HMCN1: variants seen among roughly 807,000 people sequenced by gnomAD.
HMCN1 encodes the protein hemicentin-1.
HMCN1 carries 321 observed loss-of-function variants against 625.9 expected under a neutral mutation model. The observed-to-expected ratio is 0.51, with a 90% confidence interval of 0.47 to 0.56. HMCN1 has a LOEUF of 0.56. Ranked by LOEUF, HMCN1 falls within the 20% of genes least tolerant of loss-of-function variation. The pLI is 0.00. For missense variants in HMCN1, 6,588 were observed against 6,887.3 expected (o/e 0.96, Z 1.54); for synonymous variants, 2,425 against 2,417.6 (o/e 1.00, Z -0.09).
Position 186,088,110 on chromosome 1 carries a change from GTTTT to G in HMCN1, c.9446-31_9446-28del, listed in dbSNP as rs559753232. On this transcript the variant is annotated intron_variant, in intron 61 of 106. Coordinates refer to ENST00000271588, the MANE Select transcript of HMCN1 (RefSeq NM_031935.3). ...TAATGAGGACAAATGATTTTCTTCT[GTTTT>G]TTTGTTTGTTTGTTTGTTTGTTTTT... The G allele has an allele frequency of 3.0e-4, 483 of 1,602,826 alleles. 2 individuals are homozygous for G. In the African/African-American group the frequency reaches 5.7e-3, roughly 19 times the overall value.
Position 186,086,359 on chromosome 1 carries a change from A to G in HMCN1, c.8998A>G (p.Lys3000Glu). The G allele has an allele frequency of 1.5e-5, 24 of 1,613,418 alleles. No homozygotes were observed. Among genetic ancestry groups the G allele is most frequent in the Non-Finnish European group, 2.0e-5 (24 of 1,179,588 alleles). Residue 3000 changes from lysine (K) to glutamate (E), a missense_variant, in exon 58 of 107, where the codon AAG becomes GAG. By Grantham distance (56) the Lys-to-Glu change is moderately conservative (BLOSUM62 1). This residue lies in a region of HMCN1 where 4,628 missense variants were observed against 4,853.1 expected (regional missense o/e 0.95). Coordinates refer to ENST00000271588, the MANE Select transcript of HMCN1 (RefSeq NM_031935.3). ...GFPPPDLSWL[K>E]NEQPIKLNTN... ...TCCACCTCCTGACCTCAGCTGGCTC[A>G]AGAATGAACAGCCCATCAAACTGAA...
At chr1:185,989,126 G>T (rs1378064987) in intron 20 of HMCN1, among the ~76,000 whole-genome samples, 1 of 149,388 alleles carries the variant, frequency 6.7e-6, no homozygotes, top group Admixed American at 6.7e-5. Context: ...TCCTGCCTCA[G>T]CCTCCCGAGT....
chr1:185,963,703 A>G, intron 12 of HMCN1, 65 bp from the exon 13 acceptor site: 4 of 1,204,028 alleles, frequency 3.3e-6, no homozygotes, highest in South Asian at 2.4e-5. Flanking sequence ...GGAAAGCACT[A>G]TATTATCTTG....
At chr1:186,075,809 T>C (rs978991153) in intron 53 of HMCN1, among the ~76,000 whole-genome samples, 1 of 152,208 alleles carries the variant, frequency 6.6e-6, no homozygotes, top group African/African-American at 2.4e-5. Context: ...ATAAAACTTT[T>C]GTACATCTTT....
chr1:185,924,831 G>A (rs962565195), intron 8 of HMCN1, among the ~76,000 whole-genome samples: 2 of 151,934 alleles, frequency 1.3e-5, no homozygotes, highest in South Asian at 2.1e-4. Flanking sequence ...AATGAATACT[G>A]TAGTAAGGGG....
intron 30 of HMCN1, among the ~76,000 whole-genome samples, chr1:186,014,006 G>T (rs1654173066): frequency 6.6e-6 from 1 of 152,044 alleles, no homozygotes; most frequent in Non-Finnish European, 1.5e-5. Flanking sequence ...GCCTTCAAAG[G>T]AAAGGGGAAG....
At chr1:186,118,590 G>A (rs1053321793) in intron 77 of HMCN1, among the ~76,000 whole-genome samples, 3 of 152,050 alleles carry the variant, frequency 2.0e-5, no homozygotes, top group African/African-American at 7.2e-5. Context: ...GCCAAAAAGT[G>A]GAAACAATTC....
At chr1:186,077,101 G>T (rs891911850) in intron 54 of HMCN1, among the ~76,000 whole-genome samples, 4 of 151,992 alleles carry the variant, frequency 2.6e-5, no homozygotes, top group African/African-American at 9.7e-5. Flanking sequence ...TATTTTCAAG[G>T]CTTCTATTTA....
chr1:185,860,605 T>C (rs1313154055), intron 2 of HMCN1, among the ~76,000 whole-genome samples: 1 of 152,192 alleles, frequency 6.6e-6, no homozygotes, highest in Non-Finnish European at 1.5e-5. Flanking sequence ...CTACCATGCC[T>C]GGCTTAAAAT....
In HMCN1 at chr1:186,129,999, T is replaced by A; in HGVS notation, c.12938T>A (p.Leu4313His). 6.2e-7 allele frequency: 1 copy of A among 1,613,210 alleles called. No homozygotes were observed. ...HFDSVNGHSE[L>H]VIERVSKEDS... ...GACAGTGTGAATGGACACAGTGAAC[T>A]TGTTATTGAAAGAGTGTCAAAAGAG... is the stretch of plus-strand genomic sequence containing the variant. Residue 4313 changes from leucine (L) to histidine (H), a missense_variant, in exon 84 of 107, where the codon CTT becomes CAT. Physicochemically the swap from Leu to His is moderately conservative, Grantham distance 99. Coordinates refer to ENST00000271588, the MANE Select transcript of HMCN1 (RefSeq NM_031935.3).
In HMCN1 at chr1:186,151,367, G is replaced by T. The variant is rs748030595; in HGVS notation, c.14758+18G>T. The stretch of plus-strand genomic sequence containing the variant: ...TAGTCTTGGTAAGTCTTTGCCTCAA[G>T]CCTCTTTTTAAAAACTTATATATTA... On this transcript the variant is annotated intron_variant, in intron 94 of 106. Transcript: ENST00000271588. 1 of 1,609,782 alleles carries T rather than the reference G, an allele frequency of 6.2e-7. No individual in the cohort carries two copies. Among genetic ancestry groups the T allele is most frequent in the Non-Finnish European group, 8.5e-7 (1 of 1,176,940 alleles).
intron 36 of HMCN1, among the ~76,000 whole-genome samples, chr1:186,036,481 A>G (rs1318643115): frequency 2.6e-5 from 4 of 152,178 alleles, no homozygotes; most frequent in Admixed American, 6.5e-5. Context: ...AACAGTATGG[A>G]GGAAACCGCT....
Position 185,993,297 on chromosome 1 carries a change from T to G in HMCN1, c.3493T>G (p.Leu1165Val), listed in dbSNP as rs1378226174. Residue 1165 changes from leucine to valine, a missense_variant, in exon 23 of 107, where the codon TTA becomes GTA. Transcript: ENST00000271588. The stretch of plus-strand genomic sequence containing the variant: ...TGGGAATGTGACTCAGGCTGTCAAA[T>G]TAAATGTCCATGGTGAGTCTTGAAA... The part of the protein sequence containing the change: ...IAGNVTQAVK[L>V]NVHVPPKIQR... The G allele has an allele frequency of 6.2e-7, 1 of 1,612,932 alleles. No individual in the cohort carries two copies.
chr1:186,129,556 G>A (rs1163626030), intron 83 of HMCN1, among the ~76,000 whole-genome samples: 1 of 151,988 alleles, frequency 6.6e-6, no homozygotes, highest in East Asian at 1.9e-4. Context: ...AAGCTGAAAA[G>A]GTTTTCATGT....
At chr1:186,143,226 AT>A (rs1282413705) in intron 89 of HMCN1, among the ~76,000 whole-genome samples, 3 of 152,244 alleles carry the variant, frequency 2.0e-5, no homozygotes, top group African/African-American at 7.2e-5. Flanking sequence ...AAGCAGACAA[AT>A]GATAATTTCA....
intron 33 of HMCN1, among the ~76,000 whole-genome samples, chr1:186,017,388 T>G (rs938527833): frequency 6.6e-6 from 1 of 152,026 alleles, no homozygotes; most frequent in African/African-American, 2.4e-5. Flanking sequence ...CAGACTTTCC[T>G]GAGGTACTGA....
chr1:185,927,838 G>C (rs1318177376), intron 9 of HMCN1, among the ~76,000 whole-genome samples: 1 of 152,066 alleles, frequency 6.6e-6, no homozygotes, highest in Non-Finnish European at 1.5e-5. Context: ...TATTTTTGTA[G>C]ATCATCGAGC....
Position 186,151,599 on chromosome 1 carries a change from T to TC in HMCN1, c.14759-6dup, listed in dbSNP as rs1650668054. 1.2e-6 allele frequency: 2 copies of TC among 1,610,600 alleles called. No individual in the cohort carries two copies. Among genetic ancestry groups the TC allele is most frequent in the South Asian group, 2.2e-5 (2 of 90,738 alleles). On this transcript the variant is annotated splice_region_variant and splice_polypyrimidine_tract_variant and intron_variant, in intron 94 of 106. Coordinates refer to ENST00000271588, the MANE Select transcript of HMCN1 (RefSeq NM_031935.3). ...CTATCACCTTATTTATCCTTTTTTTTCTTTAGGTTCAGCAATGAGAAAGAT... is the reference window on the plus strand; with the variant it reads ...CTATCACCTTATTTATCCTTTTTTTTCCTTTAGGTTCAGCAATGAGAAAGAT...
intron 1 of HMCN1, among the ~76,000 whole-genome samples, chr1:185,792,269 A>T (rs1194119499): frequency 6.6e-6 from 1 of 152,214 alleles, no homozygotes; most frequent in African/African-American, 2.4e-5. Context: ...TCTAGCCACA[A>T]ACTGTATTCC....
Sources: allele counts gnomAD v4.1 joint callset (sites outside exome capture counted in the v4.1 genomes callset), GRCh38; gene constraint gnomAD v4.1.1; regional missense constraint gnomAD v4.1.1; transcripts MANE v1.5; gene names NCBI Gene and HGNC (gene_info 2026-07-23, HGNC 2026-07-21).